CACNB2: variants seen among roughly 807,000 people sequenced by gnomAD.
CACNB2 encodes the protein voltage-dependent L-type calcium channel subunit beta-2.
CACNB2 carries 42 observed loss-of-function variants against 73.3 expected under a neutral mutation model. The observed-to-expected ratio is 0.57, with a 90% confidence interval of 0.45 to 0.74. The LOEUF (loss-of-function observed/expected upper bound fraction) is 0.74. CACNB2 is among the 30% of genes least tolerant of loss of function. The probability of loss-of-function intolerance (pLI) is 0.00; values close to 1 mark genes in which losing one functional copy is unlikely to be tolerated. For missense variants in CACNB2, 940 were observed against 853.0 expected (o/e 1.10, Z -1.27); for synonymous variants, 348 against 310.3 (o/e 1.12, Z -1.28).
At chr10:18,346,634 T>G (rs1017502618) in intron 2 of CACNB2, among the ~76,000 whole-genome samples, 3 of 152,240 alleles carry the variant, frequency 2.0e-5, no homozygotes, top group East Asian at 1.9e-4. Flanking sequence ...TCTCACTCTG[T>G]CGCCCAGGCT....
intron 5 of CACNB2, among the ~76,000 whole-genome samples, chr10:18,501,255 G>C (rs997082258): frequency 6.6e-6 from 1 of 152,218 alleles, no homozygotes; most frequent in Non-Finnish European, 1.5e-5. Flanking sequence ...CTGAAAAATA[G>C]TCTGGCACAT....
intron 2 of CACNB2, among the ~76,000 whole-genome samples, chr10:18,243,129 TAAAAC>T (rs1452568898): frequency 2.6e-5 from 4 of 152,234 alleles, no homozygotes; most frequent in South Asian, 2.1e-4. Flanking sequence ...ATAAAATTAA[TAAAAC>T]AAATGTATGA....
At chr10:18,373,595 T>C (rs2042675440) in intron 2 of CACNB2, among the ~76,000 whole-genome samples, 1 of 152,196 alleles carries the variant, frequency 6.6e-6, no homozygotes, top group African/African-American at 2.4e-5. Context: ...GCCAGCCAAC[T>C]GCAAAATCCA....
intron 2 of CACNB2, chr10:18,400,994 G>C (rs760236241): frequency 1.3e-5 from 21 of 1,613,720 alleles, no homozygotes; most frequent in Non-Finnish European, 1.6e-5. Flanking sequence ...CCTGTGCCCG[G>C]GGCTGCAGCT....
chr10:18,473,451 G>A (rs755521663), intron 3 of CACNB2, among the ~76,000 whole-genome samples: 10 of 152,146 alleles, frequency 6.6e-5, no homozygotes, highest in Non-Finnish European at 1.5e-4. Flanking sequence ...AATATGTTGC[G>A]CTTGCTCCTT....
At chr10:18,234,935 A>T (rs1023896865) in intron 2 of CACNB2, among the ~76,000 whole-genome samples, 1 of 148,704 alleles carries the variant, frequency 6.7e-6, no homozygotes, top group East Asian at 2.1e-4. Flanking sequence ...CGAGGTCAGG[A>T]GATCGAGACC....
intron 2 of CACNB2, among the ~76,000 whole-genome samples, chr10:18,370,866 T>C (rs561039060): frequency 6.6e-6 from 1 of 152,382 alleles, no homozygotes; most frequent in South Asian, 2.1e-4. Flanking sequence ...CATATGTGTA[T>C]ATATTTCAAC....
intron 3 of CACNB2, among the ~76,000 whole-genome samples, chr10:18,457,005 G>C (rs753524523): frequency 1.3e-5 from 2 of 151,898 alleles, no homozygotes; most frequent in African/African-American, 2.4e-5. Context: ...TCTACCACTG[G>C]GCATAGTCTA....
intron 3 of CACNB2, among the ~76,000 whole-genome samples, chr10:18,426,640 G>C (rs2045612315): frequency 6.6e-6 from 1 of 152,178 alleles, no homozygotes; most frequent in Non-Finnish European, 1.5e-5. Context: ...AGGAGTTCAA[G>C]ACTAGCCTGG....
intron 1 of CACNB2, among the ~76,000 whole-genome samples, chr10:18,141,706 T>C (rs1216908476): frequency 6.6e-6 from 1 of 152,146 alleles, no homozygotes; most frequent in Non-Finnish European, 1.5e-5. Context: ...CAGGTACAGT[T>C]TGGGTTACAG....
At chr10:18,233,145 T>A (rs1189153640) in intron 2 of CACNB2, among the ~76,000 whole-genome samples, 1 of 152,184 alleles carries the variant, frequency 6.6e-6, no homozygotes, top group East Asian at 1.9e-4. Flanking sequence ...CACACATACT[T>A]CTGCCTTGAA....
chr10:18,191,845 G>C (rs2034413264), intron 2 of CACNB2, among the ~76,000 whole-genome samples: 1 of 152,078 alleles, frequency 6.6e-6, no homozygotes, highest in Non-Finnish European at 1.5e-5. Context: ...TTGATTCATG[G>C]ACATTTGTGT....
intron 12 of CACNB2, among the ~76,000 whole-genome samples, chr10:18,537,931 G>C (rs1274533698): frequency 6.6e-6 from 1 of 152,074 alleles, no homozygotes; most frequent in East Asian, 1.9e-4. Context: ...TTTCTGGGTT[G>C]CCATGTCCTT....
intron 2 of CACNB2, among the ~76,000 whole-genome samples, chr10:18,315,020 T>C (rs964841770): frequency 8.5e-5 from 13 of 152,268 alleles, no homozygotes; most frequent in African/African-American, 2.9e-4. Context: ...ATGTACAAAG[T>C]ACTTTCTAAT....
At chr10:18,215,780 T>G (rs2035486408) in intron 2 of CACNB2, among the ~76,000 whole-genome samples, 1 of 152,150 alleles carries the variant, frequency 6.6e-6, no homozygotes, top group Non-Finnish European at 1.5e-5. Flanking sequence ...GCTATAAATT[T>G]TCCGCGTCCC....
At chr10:18,272,385 A>G (rs1486597363) in intron 2 of CACNB2, among the ~76,000 whole-genome samples, 1 of 152,126 alleles carries the variant, frequency 6.6e-6, no homozygotes, top group Non-Finnish European at 1.5e-5. Flanking sequence ...ATGCCTCTAT[A>G]TTCATAATTA....
At chr10:18,374,795 G>A (rs944117372) in intron 2 of CACNB2, among the ~76,000 whole-genome samples, 2 of 152,072 alleles carry the variant, frequency 1.3e-5, no homozygotes, top group Non-Finnish European at 2.9e-5. Flanking sequence ...GTGTTACTTA[G>A]CATCAGCTCT....
intron 2 of CACNB2, among the ~76,000 whole-genome samples, chr10:18,375,357 G>T (rs537669302): frequency 7.6e-4 from 115 of 152,240 alleles, no homozygotes; most frequent in African/African-American, 2.7e-3. Context: ...TAATCTCAAT[G>T]TGCTAATGGG....
intron 2 of CACNB2, among the ~76,000 whole-genome samples, chr10:18,153,001 C>T (rs1761956312): frequency 6.6e-6 from 1 of 152,124 alleles, no homozygotes; most frequent in South Asian, 2.1e-4. Flanking sequence ...TAACCCAATT[C>T]ACATGGCAAG....
Sources: allele counts gnomAD v4.1 joint callset (sites outside exome capture counted in the v4.1 genomes callset), GRCh38; gene constraint gnomAD v4.1.1; transcripts MANE v1.5; gene names NCBI Gene and HGNC (gene_info 2026-07-23, HGNC 2026-07-21).